The following KLRD1 variants were observed in gnomAD, a reference collection of about 807,000 sequenced individuals.
KLRD1 encodes the protein natural killer cells antigen CD94.
A neutral mutation model predicts 22.6 loss-of-function variants in KLRD1; 21 were observed. The ratio of observed to expected loss-of-function variants is 0.93; its 90% CI spans 0.66 to 1.34. The LOEUF (loss-of-function observed/expected upper bound fraction) is 1.34, where lower values mean the gene tolerates loss of function less well. Ranked by LOEUF, KLRD1 falls within the 40% of genes most tolerant of loss-of-function variation. KLRD1 has a pLI of 0.00. For missense variants in KLRD1, 183 were observed against 208.6 expected (o/e 0.88, Z 0.76); for synonymous variants, 59 against 71.1 (o/e 0.83, Z 0.85).
chr12:10,250,327 G>T (rs1020797628), intron 1 of KLRD1, among the ~76,000 whole-genome samples: 1 of 151,192 alleles, frequency 6.6e-6, no homozygotes, highest in Non-Finnish European at 1.5e-5. Flanking sequence ...ACCCAAAGGC[G>T]CCAGAGCCCT....
At chr12:10,300,006 G>A (rs949541260), upstream of KLRD1, among the ~76,000 whole-genome samples, 32 of 152,126 alleles carry the variant, frequency 2.1e-4, no homozygotes, top group African/African-American at 7.2e-4. Context: ...TCTAATTCTA[G>A]TTCTCTTGTT....
chr12:10,285,836 A>C (rs1428905243), intron 1 of KLRD1, among the ~76,000 whole-genome samples: 1 of 152,092 alleles, frequency 6.6e-6, no homozygotes, highest in Admixed American at 6.5e-5. Context: ...AAGTTTAGTA[A>C]TGTTTCCTAT....
At chr12:10,294,894 A>C (rs1288632695) in intron 1 of KLRD1, among the ~76,000 whole-genome samples, 2 of 152,252 alleles carry the variant, frequency 1.3e-5, no homozygotes, top group South Asian at 2.1e-4. Context: ...ACGTTATAGT[A>C]AGATAAATTA....
At chr12:10,253,310 T>TA (rs1264994281) in intron 1 of KLRD1, among the ~76,000 whole-genome samples, 2 of 152,212 alleles carry the variant, frequency 1.3e-5, no homozygotes, top group African/African-American at 4.8e-5. Context: ...AGGTCACTGA[T>TA]ACTCCGTTCA....
chr12:10,259,536 T>C (rs918756559), intron 1 of KLRD1, among the ~76,000 whole-genome samples: 95 of 152,370 alleles, frequency 6.2e-4, no homozygotes, highest in Middle Eastern at 3.4e-3. Flanking sequence ...TTTAGTTTTA[T>C]GCAATTAAAG....
upstream of KLRD1, among the ~76,000 whole-genome samples, chr12:10,299,536 G>T (rs1949850105): frequency 3.9e-5 from 6 of 152,084 alleles, 1 homozygote; most frequent in South Asian, 1.2e-3. Context: ...TTAAAAAACA[G>T]TATATCTACC....
In KLRD1 at chr12:10,324,806, ATG is replaced by A. The variant is rs772858874; in HGVS notation, c.*10025_*10026del. 17 of 119,614 alleles carry A rather than the reference ATG, an allele frequency of 1.4e-4. 1 individual carries two copies. Among genetic ancestry groups the A allele is most frequent in the African/African-American group, 5.3e-4 (17 of 32,316 alleles). The allele number at this position is 119,614 out of a possible 1,614,324, so 7.4% of individuals were successfully genotyped here. A position where few individuals can be genotyped will look rare whatever the true frequency, so the allele number is the denominator to read the frequency against. The stretch of plus-strand genomic sequence containing the variant: ...TTTAAAATTGTAAGTATATATGTAT[ATG>A]TGTGTGTGTGTATATATATATATAT... On this transcript the variant is annotated 3_prime_UTR_variant, in exon 6 of 6. Transcript: ENST00000336164.
intron 1 of KLRD1, among the ~76,000 whole-genome samples, chr12:10,269,437 C>T (rs1949529508): frequency 1.3e-5 from 2 of 152,194 alleles, no homozygotes; most frequent in Admixed American, 1.3e-4. Flanking sequence ...AGGCGTGAGC[C>T]ACCACGCTCA....
rs11053706 is a variant in KLRD1 at position 10,244,911 on chromosome 12, G to T, written c.-101+18678G>T. On this transcript the variant is annotated intron_variant, in intron 1 of 5. Coordinates refer to the KLRD1 transcript ENST00000544747. ...ATTTAATTTAAATATAACCTATATT[G>T]ATGGTTAATATTTATTGGTGTTTAC... 8.6e-3 allele frequency among the ~76,000 whole-genome samples: 1,304 copies of T among 152,260 alleles called. 28 individuals carry two copies. Among genetic ancestry groups the T allele is most frequent in the African/African-American group, 0.03 (1,234 of 41,522 alleles).
chr12:10,306,516 ACTCT>A (rs764826286), upstream of KLRD1, among the ~76,000 whole-genome samples: 5 of 152,102 alleles, frequency 3.3e-5, no homozygotes, highest in Non-Finnish European at 7.4e-5. Flanking sequence ...ATAAATTTGT[ACTCT>A]CTCAAGAGAA....
At chr12:10,309,099 C>A in intron 1 of KLRD1, 1 of 262,602 alleles carries the variant, frequency 3.8e-6, no homozygotes, top group Non-Finnish European at 7.2e-6. Context: ...ACCTCCAGAT[C>A]TTTAAGCACC....
intron 1 of KLRD1, among the ~76,000 whole-genome samples, chr12:10,267,404 A>G (rs895806325): frequency 2.6e-5 from 4 of 152,208 alleles, no homozygotes; most frequent in Non-Finnish European, 5.9e-5. Context: ...TATTAGGTAT[A>G]TCAGTTTATT....
At chr12:10,267,233 G>A (rs1293814909) in intron 1 of KLRD1, among the ~76,000 whole-genome samples, 1 of 151,970 alleles carries the variant, frequency 6.6e-6, no homozygotes, top group African/African-American at 2.4e-5. Context: ...CATTAAAATT[G>A]CATAAGTGCA....
chr12:10,317,999 G>T lies in KLRD1; in HGVS notation c.*3206G>T, dbSNP rs1950267509. 1 of 152,138 alleles carries T rather than the reference G, an allele frequency of 6.6e-6. No homozygotes were observed. The highest frequency in any genetic ancestry group is 2.4e-5 in the African/African-American group (1 of 41,440). 9.4% of individuals were successfully genotyped at this position (152,138 alleles called of 1,614,324 possible). A position where few individuals can be genotyped will look rare whatever the true frequency, so the allele number is the denominator to read the frequency against. On this transcript the variant is annotated 3_prime_UTR_variant, in exon 6 of 6. Transcript: ENST00000336164. Reference sequence around the variant, plus strand: ...ACAGCAAAGAGGTAACTACCCCCATGATTAAATTACCTCCTACCAGTTCCC... The same window carrying T: ...ACAGCAAAGAGGTAACTACCCCCATTATTAAATTACCTCCTACCAGTTCCC...
At chr12:10,239,394 AG>A (rs537094740) in intron 1 of KLRD1, among the ~76,000 whole-genome samples, 3,307 of 149,924 alleles carry the variant, frequency 0.022, 321 homozygotes, top group African/African-American at 0.078. Context: ...CCAATTTGGC[AG>A]CAGCATTTCC....
intron 1 of KLRD1, among the ~76,000 whole-genome samples, chr12:10,284,967 G>A (rs1949686804): frequency 6.7e-6 from 1 of 149,938 alleles, no homozygotes; most frequent in South Asian, 2.1e-4. Flanking sequence ...GGCAACAAGA[G>A]CGAAACTCCA....
chr12:10,264,364 T>G (rs1470328948), intron 1 of KLRD1, among the ~76,000 whole-genome samples: 2 of 152,122 alleles, frequency 1.3e-5, no homozygotes. Context: ...TTTTACCAAT[T>G]TATATTTTAT....
In KLRD1 at chr12:10,321,114, G is replaced by C. The variant is rs1001087804; in HGVS notation, c.*6321G>C. 6.6e-6 allele frequency: 1 copy of C among 152,168 alleles called. No individual in the cohort carries two copies. The highest frequency in any genetic ancestry group is 1.5e-5 in the Non-Finnish European group (1 of 68,034). The allele number at this position is 152,168 out of a possible 1,614,324, so 9.4% of individuals were successfully genotyped here. A position where few individuals can be genotyped will look rare whatever the true frequency, so the allele number is the denominator to read the frequency against. ...ATTTTATAAGCAGAAATAGGACTGAGTCCTAATCAAATGAGTCCCGACATT... is the reference window on the plus strand; with the variant it reads ...ATTTTATAAGCAGAAATAGGACTGACTCCTAATCAAATGAGTCCCGACATT... On this transcript the variant is annotated 3_prime_UTR_variant, in exon 6 of 6. Transcript: ENST00000336164.
chr12:10,255,947 GCTAT>G (rs1949391322), intron 1 of KLRD1, among the ~76,000 whole-genome samples: 1 of 152,044 alleles, frequency 6.6e-6, no homozygotes, highest in Non-Finnish European at 1.5e-5. Flanking sequence ...TTATTGGAGA[GCTAT>G]CTATTTGTCT....
Sources: gnomAD v4.1 joint callset for allele counts (sites outside exome capture counted in the v4.1 genomes callset) on GRCh38, gnomAD v4.1.1 for gene constraint, MANE v1.5 for transcripts, NCBI Gene and HGNC (gene_info 2026-07-23, HGNC 2026-07-21) for gene names.